The following HDAC9 variants were observed in gnomAD, a reference collection of about 807,000 sequenced individuals.
HDAC9 encodes histone deacetylase 9, also known as MEF-2 interacting transcription repressor (MITR) protein.
HDAC9 carries 41 observed loss-of-function variants against 139.4 expected under a neutral mutation model. The observed-to-expected ratio is 0.29, with a 90% confidence interval of 0.23 to 0.38. HDAC9 has a LOEUF of 0.38. HDAC9 is among the 10% of genes least tolerant of loss of function. The pLI is 1.00. For missense variants in HDAC9, 1,147 were observed against 1,297.0 expected, an observed-to-expected ratio of 0.88 and a Z score of 1.78; for synonymous variants, 517 against 476.2, an observed-to-expected ratio of 1.09 and a Z score of -1.12.
chr7:18,276,634 A>G (rs996205829), intron 2 of HDAC9, among the ~76,000 whole-genome samples: 1 of 152,182 alleles, frequency 6.6e-6, no homozygotes, highest in Non-Finnish European at 1.5e-5. Context: ...TCTAGAGGGC[A>G]TAGGCTTTAA....
chr7:18,341,701 T>C (rs10253810), intron 1 of HDAC9, among the ~76,000 whole-genome samples: 109,319 of 150,892 alleles, frequency 0.72, 40,432 homozygotes, highest in Admixed American at 0.79. Context: ...ATTCTAGGGT[T>C]TCTATCAGTT....
chr7:18,534,670 C>T (rs566411337), intron 2 of HDAC9, among the ~76,000 whole-genome samples: 6 of 152,264 alleles, frequency 3.9e-5, no homozygotes, highest in African/African-American at 7.2e-5. Flanking sequence ...TTGAAGGCAA[C>T]GTGCTTGTTT....
intron 12 of HDAC9, among the ~76,000 whole-genome samples, chr7:18,669,880 G>T (rs1231274912): frequency 1.3e-5 from 2 of 151,764 alleles, no homozygotes; most frequent in East Asian, 3.9e-4. Context: ...GGTGAAGGTG[G>T]TTGATGAAGT....
chr7:18,862,666 A>T (rs1203567511), intron 21 of HDAC9, among the ~76,000 whole-genome samples: 1 of 152,158 alleles, frequency 6.6e-6, no homozygotes, highest in African/African-American at 2.4e-5. Flanking sequence ...ATGGTTAGAG[A>T]ATGTTTTCCT....
intron 6 of HDAC9, among the ~76,000 whole-genome samples, chr7:18,595,991 T>A (rs551950160): frequency 2.0e-5 from 3 of 152,212 alleles, no homozygotes; most frequent in Admixed American, 6.6e-5. Context: ...ATATATATGT[T>A]ACAAACCCTA....
rs115873792 is a variant in HDAC9, at chr7:18,254,508, C to T, written c.25+92159C>T. ...ATTAAGGAAAAATTACTTCCAAGAC[C>T]ACCTGTAATATTCACCTATGACTCA... On this transcript the variant is annotated intron_variant, in intron 2 of 12. Coordinates refer to the HDAC9 transcript ENST00000417496. Among the ~76,000 whole-genome samples, 1,010 of 152,224 alleles carry T rather than the reference C, an allele frequency of 6.6e-3. 11 individuals are homozygous for T. Among genetic ancestry groups the T allele is most frequent in the African/African-American group, 0.023 (951 of 41,524 alleles).
At chr7:18,369,780 T>C (rs1784456966) in intron 1 of HDAC9, among the ~76,000 whole-genome samples, 1 of 152,010 alleles carries the variant, frequency 6.6e-6, no homozygotes, top group Non-Finnish European at 1.5e-5. Context: ...AGAGGGATGA[T>C]TGAGGAGGTG....
chr7:18,795,026 G>T (rs1399624605), intron 17 of HDAC9, among the ~76,000 whole-genome samples: 1 of 151,986 alleles, frequency 6.6e-6, no homozygotes, highest in Admixed American at 6.6e-5. Context: ...GTGCAGAATT[G>T]CCAAATATAT....
intron 1 of HDAC9, among the ~76,000 whole-genome samples, chr7:18,299,733 G>C (rs1798409304): frequency 6.6e-6 from 1 of 152,172 alleles, no homozygotes; most frequent in Admixed American, 6.5e-5. Context: ...TGGTTGAAAA[G>C]TATGATTGGC....
intron 17 of HDAC9, among the ~76,000 whole-genome samples, chr7:18,817,031 G>GT (rs1342750491): frequency 1.5e-5 from 2 of 131,058 alleles, no homozygotes; most frequent in Non-Finnish European, 1.5e-5. Context: ...TAGGTGAGAA[G>GT]TTTTTTGTTT....
At chr7:18,754,174 A>G (rs142539797) in intron 14 of HDAC9, among the ~76,000 whole-genome samples, 1,927 of 152,094 alleles carry the variant, frequency 0.013, 28 homozygotes, top group African/African-American at 0.035. Context: ...TTTTTCCCCT[A>G]CTGAATCATT....
At chr7:18,105,523 A>G (rs1445391187) in intron 1 of HDAC9, among the ~76,000 whole-genome samples, 2 of 64,676 alleles carry the variant, frequency 3.1e-5, no homozygotes, top group South Asian at 6.3e-4. Context: ...TGTGGATTTC[A>G]TCTACATCTA....
intron 21 of HDAC9, among the ~76,000 whole-genome samples, chr7:18,848,558 G>A (rs1240729671): frequency 6.6e-6 from 1 of 151,710 alleles, no homozygotes; most frequent in Non-Finnish European, 1.5e-5. Flanking sequence ...GTAATCCGGT[G>A]AGAGCGCTCT....
intron 2 of HDAC9, among the ~76,000 whole-genome samples, chr7:18,200,852 CTTCT>C (rs1261155825): frequency 6.6e-6 from 1 of 152,106 alleles, no homozygotes; most frequent in Non-Finnish European, 1.5e-5. Context: ...ACAGCTTTTT[CTTCT>C]TTCTTAAAGT....
intron 1 of HDAC9, among the ~76,000 whole-genome samples, chr7:18,385,904 C>G (rs1317715189): frequency 6.6e-6 from 1 of 151,682 alleles, no homozygotes; most frequent in African/African-American, 2.4e-5. Context: ...TTCCTTCTTC[C>G]CAGTTTGCTT....
At chr7:18,111,740 C>G (rs1049922763) in intron 1 of HDAC9, among the ~76,000 whole-genome samples, 9 of 152,078 alleles carry the variant, frequency 5.9e-5, no homozygotes, top group African/African-American at 1.7e-4. Context: ...GATGTGGAAT[C>G]CATAGATACG....
chr7:18,492,976 A>T (rs1395765975), upstream of HDAC9, among the ~76,000 whole-genome samples: 1 of 151,956 alleles, frequency 6.6e-6, no homozygotes, highest in Non-Finnish European at 1.5e-5. Flanking sequence ...TGATGGAAAA[A>T]CATACTGCAA....
intron 3 of HDAC9, among the ~76,000 whole-genome samples, chr7:18,587,212 G>C (rs149007501): frequency 1.3e-5 from 2 of 152,054 alleles, no homozygotes; most frequent in Non-Finnish European, 2.9e-5. Flanking sequence ...AAAGGTAATA[G>C]TAGCAAGTAG....
At chr7:18,793,009 G>A (rs1214588478) in intron 16 of HDAC9, 3 of 225,288 alleles carry the variant, frequency 1.3e-5, no homozygotes, top group Non-Finnish European at 1.8e-5. Flanking sequence ...TAGCAGGCCT[G>A]TAACTAAGCC....
Sources: gnomAD v4.1 joint callset for allele counts (sites outside exome capture counted in the v4.1 genomes callset) on GRCh38, gnomAD v4.1.1 for gene constraint, MANE v1.5 for transcripts, NCBI Gene and HGNC (gene_info 2026-07-23, HGNC 2026-07-21) for gene names.